Variants in CNTNAP2 observed in about 807,000 individuals in gnomAD.
The protein encoded by CNTNAP2 is contactin-associated protein-like 2.
CNTNAP2 carries 98 observed loss-of-function variants against 155.2 expected under a neutral mutation model. The observed-to-expected ratio is 0.63, with a 90% CI of 0.54 to 0.75. The LOEUF (loss-of-function observed/expected upper bound fraction) is 0.75, where lower values mean the gene tolerates loss of function less well. CNTNAP2 is among the 30% of genes least tolerant of loss of function. The pLI is 0.00. For missense variants in CNTNAP2, 1,727 were observed against 1,688.1 expected, an observed-to-expected ratio of 1.02 and a Z score of -0.40; for synonymous variants, 651 against 631.2, an observed-to-expected ratio of 1.03 and a Z score of -0.47.
At chr7:146,807,405 C>G (rs1489189905) in intron 2 of CNTNAP2, among the ~76,000 whole-genome samples, 1 of 152,032 alleles carries the variant, frequency 6.6e-6, no homozygotes, top group East Asian at 1.9e-4. Flanking sequence ...AATTTTGTCA[C>G]TTTTTATGAT....
chr7:146,151,646 ATATATAT>A (rs1562968883), intron 1 of CNTNAP2, among the ~76,000 whole-genome samples: 6,303 of 70,262 alleles, frequency 0.09, 458 homozygotes, highest in Middle Eastern at 0.18. Flanking sequence ...ATATATATAT[ATATATAT>A]ATATATATAT....
chr7:147,899,611 G>A (rs80271669), intron 13 of CNTNAP2, among the ~76,000 whole-genome samples: 4,989 of 152,174 alleles, frequency 0.033, 131 homozygotes, highest in Non-Finnish European at 0.053. Flanking sequence ...CCAGTCAGAC[G>A]GGTTGGCTCC....
chr7:147,308,728 A>C (rs1013107770), intron 9 of CNTNAP2, among the ~76,000 whole-genome samples: 1 of 152,172 alleles, frequency 6.6e-6, no homozygotes, highest in Non-Finnish European at 1.5e-5. Flanking sequence ...AAATTAACGG[A>C]ACCATGGACA....
chr7:146,961,467 G>A (rs1009491387), intron 3 of CNTNAP2, among the ~76,000 whole-genome samples: 4 of 152,126 alleles, frequency 2.6e-5, no homozygotes, highest in Non-Finnish European at 5.9e-5. Flanking sequence ...ATGAGAGCTG[G>A]GGCATTTGTC....
intron 13 of CNTNAP2, among the ~76,000 whole-genome samples, chr7:147,690,766 T>A (rs943502727): frequency 6.6e-6 from 1 of 152,162 alleles, no homozygotes; most frequent in Non-Finnish European, 1.5e-5. Context: ...ATTATCATTG[T>A]ATATTTGAAT....
chr7:148,037,654 G>A (rs1295017000), intron 15 of CNTNAP2, among the ~76,000 whole-genome samples: 1 of 130,620 alleles, frequency 7.7e-6, no homozygotes, highest in Non-Finnish European at 1.7e-5. Context: ...ACAGTATTTT[G>A]AAAGAGAGAG....
intron 14 of CNTNAP2, among the ~76,000 whole-genome samples, chr7:147,949,208 AG>A (rs199778539): frequency 4.0e-5 from 6 of 151,828 alleles, no homozygotes; most frequent in African/African-American, 1.5e-4. Flanking sequence ...CTAAAAAAAA[AG>A]AAAAGAAAAA....
At chr7:147,229,052 T>TAG (rs67269876) in intron 8 of CNTNAP2, among the ~76,000 whole-genome samples, 37,421 of 151,314 alleles carry the variant, frequency 0.25, 5,378 homozygotes, top group East Asian at 0.71. Context: ...TATATATATA[T>TAG]ATATAGAGAG....
At chr7:148,123,637 A>G (rs774556972) in intron 16 of CNTNAP2, among the ~76,000 whole-genome samples, 2 of 27,672 alleles carry the variant, frequency 7.2e-5, no homozygotes, top group East Asian at 5.5e-3. Flanking sequence ...GGAGAGCAGG[A>G]AGGAAGGAAG....
At chr7:147,865,139 GC>G in intron 13 of CNTNAP2, among the ~76,000 whole-genome samples, 1 of 152,266 alleles carries the variant, frequency 6.6e-6, no homozygotes, top group Admixed American at 6.5e-5. Context: ...AGCAGGAAGG[GC>G]TGTTGAATTT....
chr7:147,494,468 C>CAAA (rs10562874), intron 11 of CNTNAP2, among the ~76,000 whole-genome samples: 1,360 of 116,346 alleles, frequency 0.012, 65 homozygotes, highest in African/African-American at 0.042. Flanking sequence ...TGAGTCTTGG[C>CAAA]AAAAAAAAAA....
intron 13 of CNTNAP2, among the ~76,000 whole-genome samples, chr7:147,800,067 T>G (rs1202569914): frequency 6.6e-6 from 1 of 152,174 alleles, no homozygotes; most frequent in East Asian, 1.9e-4. Context: ...CAAAATTAAA[T>G]AAGATAATAA....
At chr7:147,094,084 G>C (rs1800471807) in intron 4 of CNTNAP2, among the ~76,000 whole-genome samples, 1 of 152,086 alleles carries the variant, frequency 6.6e-6, no homozygotes, top group South Asian at 2.1e-4. Flanking sequence ...TTTGATGGCG[G>C]CAAAACTTGG....
chr7:147,270,874 CTG>C (rs1269004970), intron 8 of CNTNAP2, among the ~76,000 whole-genome samples: 3 of 152,194 alleles, frequency 2.0e-5, no homozygotes, highest in African/African-American at 7.2e-5. Flanking sequence ...ATTAGGACGA[CTG>C]TGGTGGCAGC....
intron 3 of CNTNAP2, among the ~76,000 whole-genome samples, chr7:146,996,557 A>G (rs184299855): frequency 1.6e-4 from 25 of 152,130 alleles, no homozygotes; most frequent in Admixed American, 1.5e-3. Context: ...TTTTGTGTTA[A>G]TTTTTATCCT....
At chr7:148,083,340 T>C (rs1803652555) in intron 15 of CNTNAP2, among the ~76,000 whole-genome samples, 1 of 151,988 alleles carries the variant, frequency 6.6e-6, no homozygotes, top group South Asian at 2.1e-4. Flanking sequence ...GGTTGCAGAG[T>C]GGGGGGCAGT....
chr7:147,467,024 G>A (rs536229598), intron 10 of CNTNAP2, among the ~76,000 whole-genome samples: 2 of 152,278 alleles, frequency 1.3e-5, no homozygotes, highest in African/African-American at 2.4e-5. Context: ...AGCCATTTGT[G>A]TCTCCTTATT....
chr7:146,679,143 G>C (rs1800455517), intron 1 of CNTNAP2, among the ~76,000 whole-genome samples: 1 of 151,926 alleles, frequency 6.6e-6, no homozygotes, highest in Non-Finnish European at 1.5e-5. Context: ...TATTATTTCT[G>C]ATCCTCTTCC....
At chr7:147,918,183 G>C (rs966186829) in intron 14 of CNTNAP2, among the ~76,000 whole-genome samples, 2 of 152,140 alleles carry the variant, frequency 1.3e-5, no homozygotes, top group Non-Finnish European at 2.9e-5. Flanking sequence ...CAAATTACAA[G>C]CTTCAGGAGG....
Sources: gnomAD v4.1 joint callset for allele counts (sites outside exome capture counted in the v4.1 genomes callset) on GRCh38, gnomAD v4.1.1 for gene constraint, MANE v1.5 for transcripts, NCBI Gene and HGNC (gene_info 2026-07-23, HGNC 2026-07-21) for gene names.